The following OCA2 variants were observed in gnomAD, a reference collection of about 807,000 sequenced individuals.
OCA2 encodes the protein OCA2 melanosomal transmembrane protein.
Under a neutral mutation model 100.2 loss-of-function variants are expected in OCA2, and 77 were observed. The ratio of observed to expected loss-of-function variants is 0.77; its 90% CI spans 0.64 to 0.93. OCA2 has a LOEUF of 0.93. OCA2 is among the 40% of genes least tolerant of loss of function. OCA2 has a pLI of 0.00. For synonymous variants in OCA2, 432 were observed against 439.2 expected (o/e 0.98, Z 0.21); for missense variants, 1,062 against 1,089.1 (o/e 0.98, Z 0.35).
chr15:27,952,522 C>T (rs921571829), intron 17 of OCA2, among the ~76,000 whole-genome samples: 9 of 152,194 alleles, frequency 5.9e-5, no homozygotes, highest in African/African-American at 2.2e-4. Context: ...CTGCGTGGGG[C>T]CAGGGCAGGG....
intron 23 of OCA2, among the ~76,000 whole-genome samples, chr15:27,778,102 G>A (rs984367089): frequency 6.6e-6 from 1 of 152,166 alleles, no homozygotes; most frequent in African/African-American, 2.4e-5. Flanking sequence ...CCCTATTTTA[G>A]AAATTCAGAT....
At chr15:27,893,961 G>T (rs2037577008) in intron 19 of OCA2, among the ~76,000 whole-genome samples, 1 of 152,068 alleles carries the variant, frequency 6.6e-6, no homozygotes, top group African/African-American at 2.4e-5. Context: ...TGATGCATGT[G>T]ATCTTTGTAC....
At chr15:27,965,426 C>T (rs915335880) in intron 15 of OCA2, among the ~76,000 whole-genome samples, 2 of 152,106 alleles carry the variant, frequency 1.3e-5, no homozygotes, top group African/African-American at 4.8e-5. Flanking sequence ...CAGATGAATC[C>T]TGAGGAGGAA....
rs1422949958 is a variant in OCA2, at chr15:27,952,664, ATTTATT to A, written c.1843-778_1843-773del. Among the ~76,000 whole-genome samples, 4 of 148,792 alleles carry A rather than the reference ATTTATT, an allele frequency of 2.7e-5. 1 individual carries two copies. Among genetic ancestry groups the A allele is most frequent in the South Asian group, 4.2e-4 (2 of 4,810 alleles). ...CTTTCTTTCTTTCATTTATTTATTTATTTATTTTTATTTTTATTTTCATTTTCATTT... is the reference window on the plus strand; with the variant it reads ...CTTTCTTTCTTTCATTTATTTATTTATTTATTTTTATTTTCATTTTCATTT... On this transcript the variant is annotated intron_variant, in intron 17 of 23. Transcript: ENST00000354638.
At chr15:27,794,318 A>G (rs2033228599) in intron 23 of OCA2, among the ~76,000 whole-genome samples, 1 of 152,148 alleles carries the variant, frequency 6.6e-6, no homozygotes, top group Admixed American at 6.5e-5. Context: ...CAAGCAAGGG[A>G]CAACATGCAT....
At chr15:27,722,832 T>TC in the OCA2 span, among the ~76,000 whole-genome samples, 1 of 125,896 alleles carries the variant, frequency 7.9e-6, no homozygotes, top group African/African-American at 2.8e-5. Context: ...CTCTCTCTCT[T>TC]TCTCTCTTTC....
chr15:27,964,801 C>A (rs1176785440), intron 15 of OCA2, among the ~76,000 whole-genome samples: 1 of 152,134 alleles, frequency 6.6e-6, no homozygotes, highest in Non-Finnish European at 1.5e-5. Context: ...CCTCTAAGCC[C>A]CACAGTGGCA....
intron 3 of OCA2, among the ~76,000 whole-genome samples, chr15:28,031,091 GA>G (rs1355452926): frequency 2.0e-5 from 3 of 152,144 alleles, no homozygotes; most frequent in Admixed American, 6.5e-5. Context: ...TAAATTGGGG[GA>G]GGGGGGAAGC....
chr15:27,777,309 C>T (rs2032294517), intron 23 of OCA2, among the ~76,000 whole-genome samples: 1 of 152,136 alleles, frequency 6.6e-6, no homozygotes, highest in African/African-American at 2.4e-5. Context: ...GAAAAAAACG[C>T]TAGAGCAATA....
At chr15:28,003,700 G>C (rs1566784593) in intron 9 of OCA2, among the ~76,000 whole-genome samples, 1 of 152,158 alleles carries the variant, frequency 6.6e-6, no homozygotes, top group Admixed American at 6.5e-5. Context: ...ACGGCCCTCG[G>C]GGGTTCTTAG....
intron 19 of OCA2, chr15:27,895,809 T>G: frequency 2.2e-6 from 1 of 445,560 alleles, no homozygotes; most frequent in Non-Finnish European, 4.2e-6. Context: ...TGGAAATGCT[T>G]GGTGATACAG....
chr15:27,747,606 G>T, the OCA2 span, among the ~76,000 whole-genome samples: 1 of 152,116 alleles, frequency 6.6e-6, no homozygotes, highest in Non-Finnish European at 1.5e-5. Context: ...AGTTTTTATG[G>T]AAAGAACCCA....
Position 27,886,088 on chromosome 15 carries a change from C to A in OCA2, c.2080-14166G>T, listed in dbSNP as rs550922362. Among the ~76,000 whole-genome samples, 383 of 152,276 alleles carry A rather than the reference C, an allele frequency of 2.5e-3. 3 individuals carry two copies. Among genetic ancestry groups the A allele is most frequent in the Admixed American group, 9.3e-3 (142 of 15,306 alleles). ...CCACCACCAGCATGCTTGGGAAGAG[C>A]ATCCCACGTAGAGGTGACAAGTACA... On this transcript the variant is annotated intron_variant, in intron 19 of 23. Coordinates refer to ENST00000354638, the MANE Select transcript of OCA2 (RefSeq NM_000275.3).
intron 23 of OCA2, among the ~76,000 whole-genome samples, chr15:27,833,608 C>T (rs745506187): frequency 2.0e-4 from 31 of 152,078 alleles, no homozygotes; most frequent in Admixed American, 8.5e-4. Context: ...GGATTCTCTG[C>T]CATTAAATTA....
At chr15:27,868,748 C>T (rs1200012165) in intron 21 of OCA2, among the ~76,000 whole-genome samples, 1 of 152,106 alleles carries the variant, frequency 6.6e-6, no homozygotes, top group Non-Finnish European at 1.5e-5. Flanking sequence ...TACACATAAG[C>T]ACATGTATGG....
chr15:27,983,886 C>T lies in OCA2; in HGVS notation c.1365-403G>A, dbSNP rs978979687. ...GACTCAGCCCCTTTCCCACCTCCCC[C>T]TTCCTGGACACCAAGGCCCTAGGCT... On this transcript the variant is annotated intron_variant, in intron 13 of 23. Transcript: ENST00000354638. Among the ~76,000 whole-genome samples the T allele has an allele frequency of 2.0e-5, 3 of 151,990 alleles. No individual in the cohort carries two copies. In the Middle Eastern group the frequency reaches 0.01, roughly 521 times the overall value.
chr15:27,823,981 CT>C (rs1280725718), intron 23 of OCA2, among the ~76,000 whole-genome samples: 3 of 152,218 alleles, frequency 2.0e-5, no homozygotes, highest in Admixed American at 6.5e-5. Flanking sequence ...ACTTCTCAAA[CT>C]TTGCAAGCTC....
At chr15:27,899,514 A>T (rs903269587) in intron 19 of OCA2, among the ~76,000 whole-genome samples, 1 of 152,162 alleles carries the variant, frequency 6.6e-6, no homozygotes, top group Non-Finnish European at 1.5e-5. Context: ...ACAAATAAGG[A>T]TTTCCTTTTC....
At chr15:27,845,953 C>T (rs768781529) in intron 22 of OCA2, among the ~76,000 whole-genome samples, 2 of 152,156 alleles carry the variant, frequency 1.3e-5, no homozygotes, top group East Asian at 1.9e-4. Flanking sequence ...GGAGGCCCCA[C>T]GTCCCCATGA....
Sources: allele counts gnomAD v4.1 joint callset (sites outside exome capture counted in the v4.1 genomes callset), GRCh38; gene constraint gnomAD v4.1.1; transcripts MANE v1.5; gene names NCBI Gene and HGNC (gene_info 2026-07-23, HGNC 2026-07-21).